Variants in RNF220 observed in about 807,000 individuals in gnomAD.
RNF220 encodes E3 ubiquitin-protein ligase RNF220.
In RNF220, 7 loss-of-function variants were observed where a neutral mutation model predicts 67.1. The ratio of observed to expected loss-of-function variants is 0.10; its 90% confidence interval spans 0.06 to 0.20. The LOEUF (loss-of-function observed/expected upper bound fraction) is 0.20, where lower values mean the gene tolerates loss of function less well. Ranked by LOEUF, RNF220 falls within the 10% of genes least tolerant of loss-of-function variation. The pLI is 1.00. For synonymous variants in RNF220, 270 were observed against 283.2 expected (o/e 0.95, Z 0.47); for missense variants, 565 against 740.3 (o/e 0.76, Z 2.75).
At chr1:44,501,833 C>T (rs905293434) in intron 2 of RNF220, among the ~76,000 whole-genome samples, 1 of 152,040 alleles carries the variant, frequency 6.6e-6, no homozygotes, top group South Asian at 2.1e-4. Flanking sequence ...TCCGCTCTTA[C>T]CCTCTGCTGA....
chr1:44,461,924 G>GTT (rs201661366), intron 2 of RNF220, among the ~76,000 whole-genome samples: 108 of 123,562 alleles, frequency 8.7e-4, no homozygotes, highest in African/African-American at 1.2e-3. Flanking sequence ...TTTTTTCTTT[G>GTT]TTTTTTTTTT....
At chr1:44,554,374 T>C (rs1662903928) in intron 2 of RNF220, among the ~76,000 whole-genome samples, 2 of 152,014 alleles carry the variant, frequency 1.3e-5, no homozygotes, top group East Asian at 1.9e-4. Flanking sequence ...GACATGTCCT[T>C]CTCGCCTACC....
intron 2 of RNF220, among the ~76,000 whole-genome samples, chr1:44,461,831 G>A (rs1248294307): frequency 6.6e-6 from 1 of 151,880 alleles, no homozygotes; most frequent in Non-Finnish European, 1.5e-5. Context: ...TTAATGGCTG[G>A]TCAAAATGAA....
chr1:44,537,658 G>T (rs1257813171), intron 2 of RNF220, among the ~76,000 whole-genome samples: 1 of 152,094 alleles, frequency 6.6e-6, no homozygotes, highest in East Asian at 1.9e-4. Context: ...AATTCCTGTC[G>T]CATTTCTCAA....
intron 2 of RNF220, among the ~76,000 whole-genome samples, chr1:44,527,537 C>T (rs1660470611): frequency 6.6e-6 from 1 of 151,954 alleles, no homozygotes; most frequent in East Asian, 1.9e-4. Context: ...ATGAGAGAAT[C>T]GCTTAAGTCC....
intron 2 of RNF220, among the ~76,000 whole-genome samples, chr1:44,498,691 A>T (rs909416828): frequency 1.8e-4 from 28 of 152,084 alleles, no homozygotes; most frequent in African/African-American, 5.3e-4. Context: ...AGGGATTCTC[A>T]AACTTACTAT....
intron 8 of RNF220, chr1:44,643,121 A>G (rs1362597136): frequency 6.6e-6 from 1 of 152,334 alleles, no homozygotes; most frequent in Non-Finnish European, 1.5e-5. Flanking sequence ...TAGAGGGCAA[A>G]TGAGGACTGT....
At chr1:44,630,098 G>A (rs968535765) in intron 5 of RNF220, among the ~76,000 whole-genome samples, 1 of 152,140 alleles carries the variant, frequency 6.6e-6, no homozygotes, top group African/African-American at 2.4e-5. Flanking sequence ...ATTGGTTTCT[G>A]GGGTTTTGTT....
chr1:44,589,576 T>C (rs1665966971), intron 2 of RNF220, among the ~76,000 whole-genome samples: 2 of 142,570 alleles, frequency 1.4e-5, no homozygotes, highest in Admixed American at 7.4e-5. Context: ...ATCATGCCAC[T>C]GCACTCCAGC....
chr1:44,604,337 G>C (rs1304878288), intron 2 of RNF220, among the ~76,000 whole-genome samples: 1 of 152,206 alleles, frequency 6.6e-6, no homozygotes, highest in Non-Finnish European at 1.5e-5. Context: ...GGGAGGCCCT[G>C]CCTGCCCCAC....
intron 2 of RNF220, among the ~76,000 whole-genome samples, chr1:44,470,418 T>C (rs1654699861): frequency 6.6e-6 from 1 of 152,214 alleles, no homozygotes; most frequent in South Asian, 2.1e-4. Context: ...ATGGAGTGTC[T>C]ACTAAGTAGC....
intron 2 of RNF220, among the ~76,000 whole-genome samples, chr1:44,484,309 T>G (rs1656089800): frequency 6.6e-6 from 1 of 152,062 alleles, no homozygotes; most frequent in African/African-American, 2.4e-5. Context: ...GGGAAATGGC[T>G]TACATCACCT....
At chr1:44,596,074 G>A (rs1666464363) in intron 2 of RNF220, among the ~76,000 whole-genome samples, 1 of 152,192 alleles carries the variant, frequency 6.6e-6, no homozygotes. Flanking sequence ...GATGAGCAAA[G>A]ATTTTTGAAC....
At chr1:44,523,058 A>G (rs1412660473) in intron 2 of RNF220, among the ~76,000 whole-genome samples, 1 of 152,152 alleles carries the variant, frequency 6.6e-6, no homozygotes, top group African/African-American at 2.4e-5. Flanking sequence ...AAAAATAAAC[A>G]CTGCCTCCTG....
In RNF220 at chr1:44,412,586, T is replaced by C. The variant is rs1208994678; in HGVS notation, c.489T>C (p.Tyr163=). ...TCTCAGATGCAGATGGCAAGGAATA[T>C]GACTTTGGGACACAGCTGCCATCTA... ...LRFSDADGKE[Y]DFGTQLPSSS... The change falls in exon 2 of 15, where the codon TAT becomes TAC. Residue 163 remains tyrosine (Y), a synonymous_variant. Coordinates refer to ENST00000361799, the MANE Select transcript of RNF220 (RefSeq NM_018150.4). This position sits in a 1 kb window ranked among gnomAD's most constrained non-coding sequence, Gnocchi z 5.3. The C allele has an allele frequency of 5.0e-6, 8 of 1,614,066 alleles. No individual in the cohort carries two copies. The highest frequency in any genetic ancestry group is 6.8e-6 in the Non-Finnish European group (8 of 1,180,042).
At chr1:44,592,609 G>A (rs1248140214) in intron 2 of RNF220, among the ~76,000 whole-genome samples, 4 of 152,208 alleles carry the variant, frequency 2.6e-5, no homozygotes, top group African/African-American at 9.7e-5. Flanking sequence ...GGGCAGGAAG[G>A]CATGCTGAGA....
chr1:44,500,898 G>A (rs1008135033), intron 2 of RNF220, among the ~76,000 whole-genome samples: 18 of 152,320 alleles, frequency 1.2e-4, no homozygotes, highest in East Asian at 7.7e-4. Context: ...CGTGGGGCTC[G>A]GGAGCCAGGG....
intron 2 of RNF220, among the ~76,000 whole-genome samples, chr1:44,554,568 G>A (rs1156423513): frequency 6.6e-6 from 1 of 152,092 alleles, no homozygotes. Context: ...GGGCTGAAGG[G>A]GATCCCATTG....
At position 44,636,057 on chromosome 1, in the gene RNF220, G is replaced by T. The variant is rs1644318399; in HGVS notation, c.1021G>T (p.Asp341Tyr). 6.2e-7 allele frequency: 1 copy of T among 1,614,276 alleles called. No homozygotes were observed. The highest frequency in any genetic ancestry group is 8.5e-7 in the Non-Finnish European group (1 of 1,180,048). Residue 341 changes from aspartate to tyrosine, a missense_variant, in exon 8 of 15, where the codon GAT becomes TAT. Transcript: ENST00000361799. ...QREGSCMAED[D>Y]AVDIEHENNN... The stretch of plus-strand genomic sequence containing the variant: ...GGAAGGCTCCTGCATGGCTGAGGAT[G>T]ATGCTGTGGACATCGAGCATGAGAA...
Sources: allele counts gnomAD v4.1 joint callset (sites outside exome capture counted in the v4.1 genomes callset), GRCh38; gene constraint gnomAD v4.1.1; non-coding constraint Gnocchi (gnomAD v3.1); transcripts MANE v1.5; gene names NCBI Gene and HGNC (gene_info 2026-07-23, HGNC 2026-07-21).